The following NTRK2 variants were observed in gnomAD, a reference collection of about 807,000 sequenced individuals.
NTRK2 encodes the protein BDNF/NT-3 growth factors receptor.
Under a neutral mutation model 94.5 loss-of-function variants are expected in NTRK2, and 13 were observed. The observed-to-expected ratio is 0.14, with a 90% CI of 0.09 to 0.22. The LOEUF is 0.22. Ranked by LOEUF, NTRK2 falls within the 10% of genes least tolerant of loss-of-function variation. The pLI is 1.00. For missense variants in NTRK2, 639 were observed against 1,071.2 expected (o/e 0.60, Z 5.63); for synonymous variants, 372 against 407.4 (o/e 0.91, Z 1.05).
chr9:84,963,074 A>T (rs1351990909), intron 17 of NTRK2, among the ~76,000 whole-genome samples: 1 of 152,226 alleles, frequency 6.6e-6, no homozygotes, highest in Non-Finnish European at 1.5e-5. Flanking sequence ...TGGCTGCAAG[A>T]TGGCTGCAGC....
chr9:84,870,081 AGAT>A (rs2075771280), intron 14 of NTRK2, among the ~76,000 whole-genome samples: 1 of 140,852 alleles, frequency 7.1e-6, no homozygotes, highest in African/African-American at 2.7e-5. Context: ...GATTTCAATT[AGAT>A]AATTCCCATT....
chr9:84,673,659 T>A (rs1019720521), intron 2 of NTRK2, among the ~76,000 whole-genome samples: 1 of 152,118 alleles, frequency 6.6e-6, no homozygotes, highest in Non-Finnish European at 1.5e-5. Flanking sequence ...TTAAAAAAAA[T>A]GTGTAGATTA....
intron 12 of NTRK2, among the ~76,000 whole-genome samples, chr9:84,848,461 G>A (rs954369231): frequency 6.6e-6 from 1 of 152,110 alleles, no homozygotes; most frequent in South Asian, 2.1e-4. Flanking sequence ...CAATCATGTT[G>A]TTTCTATTTA....
At chr9:84,693,834 A>G (rs975355305) in intron 2 of NTRK2, among the ~76,000 whole-genome samples, 2 of 152,198 alleles carry the variant, frequency 1.3e-5, no homozygotes, top group Admixed American at 6.5e-5. Context: ...TACACTACCA[A>G]TTATTTTCCA....
In NTRK2 at chr9:84,955,709, CTCGCTCCTTGGCT is replaced by C. The variant is rs922296132; in HGVS notation, c.2172+194_2172+206del. The stretch of plus-strand genomic sequence containing the variant: ...GAGTGGGATTGGTTCCTCCTGAGGC[CTCGCTCCTTGGCT>C]TGCAGGTGGCTGCCTTCTCACTATG... On this transcript the variant is annotated intron_variant, in intron 17 of 18. Coordinates refer to ENST00000277120, the MANE Select transcript of NTRK2 (RefSeq NM_006180.6). 113 of 675,902 alleles carry C rather than the reference CTCGCTCCTTGGCT, an allele frequency of 1.7e-4. No homozygotes were observed. The Middle Eastern group carries it at 2.2e-3, about 13-fold the overall frequency. 41.9% of individuals were successfully genotyped at this position (675,902 alleles called of 1,614,324 possible). A position where few individuals can be genotyped will look rare whatever the true frequency, so the allele number is the denominator to read the frequency against.
chr9:84,847,833 A>G (rs187637587), intron 12 of NTRK2, among the ~76,000 whole-genome samples: 3 of 152,314 alleles, frequency 2.0e-5, no homozygotes, highest in African/African-American at 4.8e-5. Context: ...GGAGGTGGAT[A>G]CTGGTTGGCA....
At chr9:84,971,182 T>G (rs1422272214) in intron 17 of NTRK2, among the ~76,000 whole-genome samples, 1 of 152,182 alleles carries the variant, frequency 6.6e-6, no homozygotes. Flanking sequence ...AGAATCAAAA[T>G]AGGAATTATG....
At chr9:84,955,152 A>G (rs1478983397) in intron 16 of NTRK2, 131 bp from the exon 17 acceptor site, 1 of 753,170 alleles carries the variant, frequency 1.3e-6, no homozygotes, top group Non-Finnish European at 2.3e-6. Context: ...GTCAGGCAGC[A>G]TCTTTTAGCA....
intron 2 of NTRK2, among the ~76,000 whole-genome samples, chr9:84,680,416 T>G (rs1022714147): frequency 2.6e-5 from 4 of 152,222 alleles, no homozygotes; most frequent in Non-Finnish European, 4.4e-5. Flanking sequence ...TTGATATTCC[T>G]GGGGCCACCT....
chr9:84,721,950 A>G (rs561342157), intron 6 of NTRK2, among the ~76,000 whole-genome samples: 22 of 152,264 alleles, frequency 1.4e-4, no homozygotes, highest in South Asian at 6.2e-4. Context: ...AAGTAAGCCC[A>G]TTTCTTCTAT....
At chr9:84,801,083 T>C (rs2070381478) in intron 12 of NTRK2, among the ~76,000 whole-genome samples, 1 of 152,218 alleles carries the variant, frequency 6.6e-6, no homozygotes, top group Admixed American at 6.5e-5. Context: ...TCACTGCTCG[T>C]GCCTGCGAAT....
intron 11 of NTRK2, among the ~76,000 whole-genome samples, chr9:84,751,184 A>G (rs558236684): frequency 6.6e-6 from 1 of 152,322 alleles, no homozygotes; most frequent in African/African-American, 2.4e-5. Context: ...AAGAGCAACA[A>G]TAGCTAACCT....
intron 14 of NTRK2, among the ~76,000 whole-genome samples, chr9:84,909,571 T>C (rs1381077106): frequency 6.6e-6 from 1 of 152,152 alleles, no homozygotes; most frequent in East Asian, 1.9e-4. Context: ...TGATCCTGTT[T>C]CTCCACATCC....
chr9:84,928,638 G>A (rs980253726), intron 14 of NTRK2, among the ~76,000 whole-genome samples: 215 of 152,222 alleles, frequency 1.4e-3, no homozygotes, highest in African/African-American at 5.0e-3. Context: ...GTGTGGCCCC[G>A]GGAAAGTCAT....
intron 16 of NTRK2, among the ~76,000 whole-genome samples, chr9:84,950,644 G>A (rs766410923): frequency 1.3e-5 from 2 of 151,664 alleles, no homozygotes; most frequent in African/African-American, 4.9e-5. Flanking sequence ...TTAGCAAATG[G>A]GCTGCTTGTG....
chr9:84,812,938 G>C, intron 12 of NTRK2: 1 of 1,032,418 alleles, frequency 9.7e-7, no homozygotes, highest in Non-Finnish European at 1.2e-6. Context: ...ATTTCATATA[G>C]TTCTCGTGTT....
At chr9:84,839,921 T>C (rs1222568379) in intron 12 of NTRK2, among the ~76,000 whole-genome samples, 5 of 152,174 alleles carry the variant, frequency 3.3e-5, no homozygotes, top group Non-Finnish European at 7.4e-5. Context: ...TCTTGGCTAC[T>C]TTTTTCTCAA....
At chr9:84,968,411 T>C (rs1451467650) in intron 17 of NTRK2, among the ~76,000 whole-genome samples, 2 of 152,206 alleles carry the variant, frequency 1.3e-5, no homozygotes, top group African/African-American at 4.8e-5. Flanking sequence ...TAAAGCTGTG[T>C]TGGTTGCAAG....
intron 14 of NTRK2, chr9:84,874,488 G>A: frequency 9.4e-7 from 1 of 1,065,916 alleles, no homozygotes; most frequent in Non-Finnish European, 1.1e-6. Context: ...TTCCTGGGGA[G>A]CTGTGATGCT....
Sources: allele counts gnomAD v4.1 joint callset (sites outside exome capture counted in the v4.1 genomes callset), GRCh38; gene constraint gnomAD v4.1.1; transcripts MANE v1.5; gene names NCBI Gene and HGNC (gene_info 2026-07-23, HGNC 2026-07-21).